Variants in SDK1 observed in about 807,000 individuals in gnomAD.
SDK1 encodes the protein protein sidekick-1.
Under a neutral mutation model 245.5 loss-of-function variants are expected in SDK1, and 157 were observed. That is an observed-to-expected ratio of 0.64 (90% CI 0.56 to 0.73). The LOEUF is 0.73. Among genes scored for constraint, SDK1 ranks in the 30% least tolerant of loss-of-function variants. SDK1 has a pLI of 0.00. For missense variants in SDK1, 3,583 were observed against 3,002.3 expected (o/e 1.19, Z -4.52); for synonymous variants, 1,647 against 1,278.5 (o/e 1.29, Z -6.15).
intron 1 of SDK1, among the ~76,000 whole-genome samples, chr7:3,574,509 G>A (rs906124102): frequency 1.3e-5 from 2 of 152,070 alleles, no homozygotes; most frequent in East Asian, 1.9e-4. Context: ...AACGGGGCTA[G>A]CATGCTTGTT....
Position 4,210,056 on chromosome 7 carries a change from A to G in SDK1, c.5433A>G (p.Ser1811=), listed in dbSNP as rs1291449694. The change falls in exon 38 of 45, where the codon TCA becomes TCG. Residue 1811 remains serine, a synonymous_variant. Transcript: ENST00000404826. ...GGGCCCCCAGCTTTCTGGCGTTCTC[A>G]GAAATAACCTCCACCACGCTCAACG... ...APGAPSFLAF[S]EITSTTLNVS... is the part of the protein sequence containing the mutation. 3.1e-6 allele frequency: 5 copies of G among 1,598,526 alleles called. No homozygotes were observed. Among genetic ancestry groups the G allele is most frequent in the East Asian group, 4.5e-5 (2 of 44,470 alleles).
At chr7:3,416,549 T>A (rs1779371470) in intron 1 of SDK1, among the ~76,000 whole-genome samples, 1 of 151,740 alleles carries the variant, frequency 6.6e-6, no homozygotes, top group Non-Finnish European at 1.5e-5. Flanking sequence ...CCTGCTGTCT[T>A]CAGGCAATAA....
chr7:3,611,354 T>C (rs1221809008), intron 1 of SDK1, among the ~76,000 whole-genome samples: 1 of 152,174 alleles, frequency 6.6e-6, no homozygotes, highest in East Asian at 1.9e-4. Flanking sequence ...CTTTTTCTCC[T>C]TTCTCCTCCT....
chr7:4,122,598 G>A lies in SDK1; in HGVS notation c.3824-4783G>A, dbSNP rs538683222. ...TTTAACAGGTTCTGTGACATCTTAT[G>A]ATATATTATGATATATTCTAAGGAT... On this transcript the variant is annotated intron_variant, in intron 25 of 44. Coordinates refer to ENST00000404826, the MANE Select transcript of SDK1 (RefSeq NM_152744.4). 2.6e-5 allele frequency among the ~76,000 whole-genome samples: 4 copies of A among 152,186 alleles called. No individual in the cohort carries two copies. The South Asian group carries it at 6.2e-4, about 24-fold the overall frequency.
At chr7:3,805,831 A>G (rs1207304675) in intron 4 of SDK1, among the ~76,000 whole-genome samples, 1 of 152,172 alleles carries the variant, frequency 6.6e-6, no homozygotes, top group African/African-American at 2.4e-5. Context: ...TGATCTGTCA[A>G]AGAATGACCA....
intron 4 of SDK1, among the ~76,000 whole-genome samples, chr7:3,819,282 AAAAG>A (rs1393223283): frequency 1.3e-5 from 2 of 152,070 alleles, no homozygotes; most frequent in East Asian, 1.9e-4. Context: ...ATTAAAAACT[AAAAG>A]AAAAAGATAA....
intron 1 of SDK1, among the ~76,000 whole-genome samples, chr7:3,529,230 A>G (rs1251185001): frequency 6.6e-6 from 1 of 152,206 alleles, no homozygotes; most frequent in African/African-American, 2.4e-5. Context: ...ATACACACCC[A>G]GAAGGCCTAG....
chr7:3,304,650 G>A (rs958956949), intron 1 of SDK1, among the ~76,000 whole-genome samples: 1 of 152,172 alleles, frequency 6.6e-6, no homozygotes, highest in Non-Finnish European at 1.5e-5. Context: ...TGATGAAGCT[G>A]TAGAGTACCT....
chr7:4,036,412 G>A (rs969705897), intron 17 of SDK1, among the ~76,000 whole-genome samples: 3 of 152,160 alleles, frequency 2.0e-5, no homozygotes, highest in Non-Finnish European at 2.9e-5. Flanking sequence ...GGGCATTTCT[G>A]TAGACCTACA....
chr7:4,243,006 T>G (rs1786627479), intron 43 of SDK1, among the ~76,000 whole-genome samples: 1 of 152,218 alleles, frequency 6.6e-6, no homozygotes, highest in Non-Finnish European at 1.5e-5. Flanking sequence ...ATGCTGGTGG[T>G]GACATCTGGT....
intron 4 of SDK1, among the ~76,000 whole-genome samples, chr7:3,646,874 T>G (rs1365300057): frequency 6.6e-6 from 1 of 152,174 alleles, no homozygotes; most frequent in Non-Finnish European, 1.5e-5. Context: ...ACCTTATGAT[T>G]CCACTCACAC....
At chr7:3,576,028 G>C (rs1167975016) in intron 1 of SDK1, among the ~76,000 whole-genome samples, 1 of 151,924 alleles carries the variant, frequency 6.6e-6, no homozygotes, top group African/African-American at 2.4e-5. Flanking sequence ...TGTTCAAAAG[G>C]TAAAGAAACA....
rs118175667 is a variant in SDK1 at position 3,584,512 on chromosome 7, C to A, written c.299-34568C>A. On this transcript the variant is annotated intron_variant, in intron 1 of 44. Coordinates refer to ENST00000404826, the MANE Select transcript of SDK1 (RefSeq NM_152744.4). Reference sequence around the variant, plus strand: ...CCCCACCTGAAGTCCCCTGTGGGGCCGCTCCTTGAGAGTTGAACCTTTATC... The same window carrying A: ...CCCCACCTGAAGTCCCCTGTGGGGCAGCTCCTTGAGAGTTGAACCTTTATC... Among the ~76,000 whole-genome samples, 894 of 152,254 alleles carry A rather than the reference C, an allele frequency of 5.9e-3. 10 individuals are homozygous for A. Among genetic ancestry groups the A allele is most frequent in the South Asian group, 0.018 (86 of 4,826 alleles).
intron 1 of SDK1, among the ~76,000 whole-genome samples, chr7:3,509,392 T>C (rs556481186): frequency 6.6e-6 from 1 of 152,298 alleles, no homozygotes; most frequent in African/African-American, 2.4e-5. Flanking sequence ...CCGTTACTTT[T>C]CTGTGTGTGT....
At chr7:3,597,036 C>T (rs1781089590) in intron 1 of SDK1, among the ~76,000 whole-genome samples, 3 of 151,950 alleles carry the variant, frequency 2.0e-5, no homozygotes, top group Admixed American at 6.6e-5. Flanking sequence ...TTTGGGAGGC[C>T]GAGGCAGGCG....
Position 3,619,104 on chromosome 7 carries a change from C to T in SDK1, c.323C>T (p.Thr108Met), listed in dbSNP as rs201341557. ...GATGATGTTGCTCCATATTTTAAAA[C>T]GGAGCCAGGCCTACCACAGATCCAC... ...AQDDVAPYFK[T>M]EPGLPQIHLE... The change falls in exon 2 of 45, where the codon ACG (threonine) becomes ATG (methionine). Residue 108 changes from threonine (T) to methionine (M), a missense_variant. Coordinates refer to ENST00000404826, the MANE Select transcript of SDK1 (RefSeq NM_152744.4). 243 of 1,604,000 alleles carry T rather than the reference C, an allele frequency of 1.5e-4. 1 individual carries two copies. The highest frequency in any genetic ancestry group is 1.3e-4 in the East Asian group (6 of 44,502).
At chr7:4,246,360 C>T (rs970565515) in intron 44 of SDK1, among the ~76,000 whole-genome samples, 5 of 152,122 alleles carry the variant, frequency 3.3e-5, no homozygotes, top group Non-Finnish European at 7.3e-5. Context: ...CGGCAGGGCT[C>T]AGGGAAGATC....
intron 44 of SDK1, among the ~76,000 whole-genome samples, chr7:4,260,905 TG>T (rs1327123277): frequency 6.6e-6 from 1 of 152,142 alleles, no homozygotes; most frequent in African/African-American, 2.4e-5. Context: ...TCGGTGTGTG[TG>T]GGAAGATGTG....
chr7:3,930,559 A>G (rs1249538317), intron 5 of SDK1, among the ~76,000 whole-genome samples: 2 of 152,248 alleles, frequency 1.3e-5, no homozygotes, highest in African/African-American at 2.4e-5. Flanking sequence ...TCCAGTGCTC[A>G]GAGACTGAAA....
Sources: allele counts gnomAD v4.1 joint callset (sites outside exome capture counted in the v4.1 genomes callset), GRCh38; gene constraint gnomAD v4.1.1; transcripts MANE v1.5; gene names NCBI Gene and HGNC (gene_info 2026-07-23, HGNC 2026-07-21).